MAMDC2: variants seen among roughly 807,000 people sequenced by gnomAD.
MAMDC2 encodes the protein MAM domain-containing protein 2.
Under a neutral mutation model 89.8 loss-of-function variants are expected in MAMDC2, and 57 were observed. The observed-to-expected ratio is 0.63, with a 90% confidence interval of 0.51 to 0.79. The LOEUF is 0.79. Among genes scored for constraint, MAMDC2 ranks in the 30% least tolerant of loss-of-function variants. The pLI, the probability that MAMDC2 is intolerant of heterozygous loss-of-function variation, is 0.00. For synonymous variants in MAMDC2, 313 were observed against 293.4 expected (o/e 1.07, Z -0.68); for missense variants, 800 against 820.6 (o/e 0.97, Z 0.31).
At chr9:70,139,663 A>T (rs1228845860) in intron 7 of MAMDC2, among the ~76,000 whole-genome samples, 2 of 152,112 alleles carry the variant, frequency 1.3e-5, no homozygotes, top group Non-Finnish European at 2.9e-5. Flanking sequence ...GTCAATTGGT[A>T]ATTCTAGTTC....
At chr9:70,072,773 T>C (rs1827437857) in intron 2 of MAMDC2, among the ~76,000 whole-genome samples, 1 of 152,088 alleles carries the variant, frequency 6.6e-6, no homozygotes, top group African/African-American at 2.4e-5. Context: ...CAAAAAAAAG[T>C]ACACTAAAAA....
intron 11 of MAMDC2, among the ~76,000 whole-genome samples, chr9:70,192,432 C>T (rs558341769): frequency 6.6e-6 from 1 of 152,080 alleles, no homozygotes; most frequent in Non-Finnish European, 1.5e-5. Context: ...GTGTGTCTGG[C>T]CTCTTACAAC....
At chr9:70,109,664 C>A (rs1439934511) in intron 3 of MAMDC2, 56 bp from the exon 4 acceptor site, 1 of 1,409,684 alleles carries the variant, frequency 7.1e-7, no homozygotes. Context: ...AATACTGAAC[C>A]AAGGAAACAT....
At chr9:70,086,356 T>C (rs1242817077) in intron 2 of MAMDC2, 1 of 152,114 alleles carries the variant, frequency 6.6e-6, no homozygotes, top group Non-Finnish European at 1.5e-5. Flanking sequence ...TAGAGGACTG[T>C]GGATATACAT....
At chr9:70,129,979 GC>G (rs1376092683) in intron 6 of MAMDC2, among the ~76,000 whole-genome samples, 3 of 149,460 alleles carry the variant, frequency 2.0e-5, no homozygotes, top group South Asian at 2.1e-4. Flanking sequence ...TTGGCTTGTA[GC>G]TCTCTGCCTT....
intron 2 of MAMDC2, among the ~76,000 whole-genome samples, chr9:70,056,844 C>G (rs907800377): frequency 1.3e-5 from 2 of 152,160 alleles, no homozygotes; most frequent in Non-Finnish European, 2.9e-5. Context: ...GCATTAGATT[C>G]TCATAGGAAT....
At chr9:70,052,207 C>A (rs1202164962) in intron 2 of MAMDC2, among the ~76,000 whole-genome samples, 2 of 152,138 alleles carry the variant, frequency 1.3e-5, no homozygotes. Flanking sequence ...AGAAGAAATG[C>A]CCTCGTCTTA....
At chr9:70,200,579 T>A (rs1287727475) in intron 11 of MAMDC2, among the ~76,000 whole-genome samples, 1 of 150,162 alleles carries the variant, frequency 6.7e-6, no homozygotes, top group Non-Finnish European at 1.5e-5. Flanking sequence ...TTTTTTCCAA[T>A]TCTGTGAAGA....
intron 11 of MAMDC2, among the ~76,000 whole-genome samples, chr9:70,216,847 G>A (rs1047557897): frequency 3.9e-5 from 6 of 152,172 alleles, no homozygotes; most frequent in African/African-American, 1.4e-4. Context: ...TCAGTGACAT[G>A]ATAGTGATTG....
Position 70,047,910 on chromosome 9 carries a change from T to C in MAMDC2, c.148+3213T>C, listed in dbSNP as rs777385796. 2.3e-4 allele frequency among the ~76,000 whole-genome samples: 35 copies of C among 152,228 alleles called. 1 individual carries two copies. The highest frequency in any genetic ancestry group is 6.2e-4 in the South Asian group (3 of 4,834). ...ACAGTATTAAGTCCCTAGATGTCCCTGATTACAGTTCGAGTGTCTCTATTT... is the reference window on the plus strand; with the variant it reads ...ACAGTATTAAGTCCCTAGATGTCCCCGATTACAGTTCGAGTGTCTCTATTT... On this transcript the variant is annotated intron_variant, in intron 2 of 13. Transcript: ENST00000377182.
At chr9:70,075,603 T>C (rs536783517) in intron 2 of MAMDC2, among the ~76,000 whole-genome samples, 1 of 152,296 alleles carries the variant, frequency 6.6e-6, no homozygotes, top group East Asian at 1.9e-4. Context: ...AGCACATTGA[T>C]GGCAAGAAAG....
At chr9:70,044,378 G>A in intron 1 of MAMDC2, 147 bp downstream of exon 1, 1 of 931,240 alleles carries the variant, frequency 1.1e-6, no homozygotes, top group Non-Finnish European at 1.5e-6. Context: ...CCCTCCCCTG[G>A]CCAAGCCTGG....
At chr9:70,188,149 G>A (rs2032798812) in intron 11 of MAMDC2, among the ~76,000 whole-genome samples, 1 of 152,142 alleles carries the variant, frequency 6.6e-6, no homozygotes, top group African/African-American at 2.4e-5. Flanking sequence ...TTTGGGAACT[G>A]CATGAATGGT....
intron 4 of MAMDC2, 21 bp from the exon 5 acceptor site, chr9:70,112,974 G>T (rs1422952135): frequency 1.2e-6 from 2 of 1,613,854 alleles, no homozygotes; most frequent in East Asian, 4.5e-5. Flanking sequence ...TCCATGAAGT[G>T]TTTTTGTTTC....
At chr9:70,067,055 G>A (rs566201911) in intron 2 of MAMDC2, among the ~76,000 whole-genome samples, 2 of 152,288 alleles carry the variant, frequency 1.3e-5, no homozygotes, top group African/African-American at 4.8e-5. Context: ...AATCAGGACT[G>A]GACAGAGGTA....
chr9:70,122,565 G>C (rs1326606644), intron 5 of MAMDC2, among the ~76,000 whole-genome samples: 4 of 152,134 alleles, frequency 2.6e-5, no homozygotes, highest in Admixed American at 6.5e-5. Context: ...GAGTAGCTGG[G>C]GACAGGCCCA....
At chr9:70,138,090 T>C (rs1434974947) in intron 7 of MAMDC2, among the ~76,000 whole-genome samples, 1 of 152,150 alleles carries the variant, frequency 6.6e-6, no homozygotes, top group African/African-American at 2.4e-5. Context: ...CCACCGCCTA[T>C]CATTCCACTC....
chr9:70,140,424 TTG>T (rs1334493394), intron 8 of MAMDC2, 136 bp downstream of exon 8: 10 of 910,172 alleles, frequency 1.1e-5, no homozygotes, highest in African/African-American at 1.8e-5. Context: ...ATCAGTAGTC[TTG>T]TGTTTGACCA....
chr9:70,110,172 CTTAT>C (rs1243950051), intron 4 of MAMDC2, among the ~76,000 whole-genome samples: 3 of 152,204 alleles, frequency 2.0e-5, no homozygotes, highest in Non-Finnish European at 4.4e-5. Context: ...CCTCCTTTCC[CTTAT>C]TTCTCTCTTG....
Sources: gnomAD v4.1 joint callset for allele counts (sites outside exome capture counted in the v4.1 genomes callset) on GRCh38, gnomAD v4.1.1 for gene constraint, MANE v1.5 for transcripts, NCBI Gene and HGNC (gene_info 2026-07-23, HGNC 2026-07-21) for gene names.